The following WDSUB1 variants were observed in gnomAD, a reference collection of about 807,000 sequenced individuals.
WDSUB1 encodes the protein WD repeat, sterile alpha motif and U-box domain containing 1.
In WDSUB1, 49 loss-of-function variants were observed where a neutral mutation model predicts 53.9. The observed-to-expected ratio is 0.91, with a 90% CI of 0.72 to 1.15. WDSUB1 has a LOEUF of 1.15. Ranked by LOEUF, WDSUB1 falls within the 50% of genes most tolerant of loss-of-function variation. WDSUB1 has a pLI of 0.00. For synonymous variants in WDSUB1, 194 were observed against 200.6 expected, an observed-to-expected ratio of 0.97 and a Z score of 0.28; for missense variants, 514 against 562.0, an observed-to-expected ratio of 0.91 and a Z score of 0.86.
Position 159,239,142 on chromosome 2 carries a change from C to G in WDSUB1, c.1274-2952G>C, listed in dbSNP as rs553469375. 7.8e-4 allele frequency among the ~76,000 whole-genome samples: 119 copies of G among 152,254 alleles called. 1 individual carries two copies. Among genetic ancestry groups the G allele is most frequent in the African/African-American group, 2.8e-3 (116 of 41,558 alleles). ...TCATCCTCCCAAGTAGCTGGGACTA[C>G]AGGCATACACCACAACACCTGGCTA... On this transcript the variant is annotated intron_variant, in intron 10 of 10. Transcript: ENST00000359774.
intron 9 of WDSUB1, among the ~76,000 whole-genome samples, chr2:159,255,481 A>G (rs1248104204): frequency 6.7e-6 from 1 of 149,400 alleles, no homozygotes; most frequent in East Asian, 2.0e-4. Context: ...ATAAATAAAT[A>G]AAATAAATTA....
At chr2:159,248,759 C>T (rs2060880345) in intron 9 of WDSUB1, among the ~76,000 whole-genome samples, 1 of 152,086 alleles carries the variant, frequency 6.6e-6, no homozygotes, top group African/African-American at 2.4e-5. Context: ...GCACATGGCA[C>T]CATGCCCAGT....
At chr2:159,238,063 T>C (rs2060535215) in intron 10 of WDSUB1, among the ~76,000 whole-genome samples, 1 of 152,214 alleles carries the variant, frequency 6.6e-6, no homozygotes, top group Admixed American at 6.5e-5. Context: ...CCTGGATTTT[T>C]GCCAGTCTCT....
rs200355923 is a variant in WDSUB1 at position 159,249,745 on chromosome 2, A to AAACC, written c.1133-1237_1133-1234dup. 8.8e-3 allele frequency among the ~76,000 whole-genome samples: 1,334 copies of AAACC among 152,126 alleles called. 25 individuals carry two copies. The highest frequency in any genetic ancestry group is 0.031 in the African/African-American group (1,281 of 41,496). On this transcript the variant is annotated intron_variant, in intron 9 of 10. Transcript: ENST00000359774. ...GGCTCCTCAGCTGTGACATAAACATAAACCACCACCATGAAACTTACTTAA... is the reference window on the plus strand; with the variant it reads ...GGCTCCTCAGCTGTGACATAAACATAAACCAACCACCACCATGAAACTTACTTAA...
At chr2:159,277,696 T>C (rs1482073608) in intron 3 of WDSUB1, among the ~76,000 whole-genome samples, 1 of 152,052 alleles carries the variant, frequency 6.6e-6, no homozygotes, top group East Asian at 1.9e-4. Context: ...TTACAGATAA[T>C]AACAAATACG....
Position 159,275,726 on chromosome 2 carries a change from T to C in WDSUB1, c.584-88A>G. ...CATTTCTTATACTAAGATCTATTAA[T>C]TCTACTCATTTAAACCATGTTCACA... On this transcript the variant is annotated intron_variant, in intron 3 of 10. Coordinates refer to ENST00000359774, the MANE Select transcript of WDSUB1 (RefSeq NM_001128212.3). 4 of 975,982 alleles carry C rather than the reference T, an allele frequency of 4.1e-6. No homozygotes were observed. In the South Asian group the frequency reaches 7.0e-5, roughly 17 times the overall value. 60.5% of individuals were successfully genotyped at this position (975,982 alleles called of 1,614,324 possible). A position where few individuals can be genotyped will look rare whatever the true frequency, so the allele number is the denominator to read the frequency against.
rs896745746 is a variant in WDSUB1, at chr2:159,286,694, G to A, written c.-136C>T. On this transcript the variant is annotated 5_prime_UTR_variant, in exon 1 of 11. Coordinates refer to ENST00000359774, the MANE Select transcript of WDSUB1 (RefSeq NM_001128212.3). ...CGGGCGCCGGCGGAGACCCAGAGCA[G>A]AGGGAACAGGCCCCGCCCCCGAACG... 6.6e-6 allele frequency: 1 copy of A among 152,412 alleles called. No individual in the cohort carries two copies. The highest frequency in any genetic ancestry group is 1.5e-5 in the Non-Finnish European group (1 of 68,366). 9.4% of individuals were successfully genotyped at this position (152,412 alleles called of 1,614,324 possible). A position where few individuals can be genotyped will look rare whatever the true frequency, so the allele number is the denominator to read the frequency against.
At chr2:159,249,005 T>G (rs1429831881) in intron 9 of WDSUB1, among the ~76,000 whole-genome samples, 2 of 152,242 alleles carry the variant, frequency 1.3e-5, no homozygotes, top group Non-Finnish European at 2.9e-5. Context: ...CAAATCTCTG[T>G]TGTATAGAAT....
intron 10 of WDSUB1, among the ~76,000 whole-genome samples, chr2:159,247,575 G>A (rs112267135): frequency 0.018 from 2,713 of 151,750 alleles, 43 homozygotes; most frequent in Admixed American, 0.024. Flanking sequence ...CACATCTAAC[G>A]AAATGTGTCA....
At chr2:159,261,896 ATTTTTTTTTTTTTTTTTTTTTTT>A (rs869067609) in intron 5 of WDSUB1, among the ~76,000 whole-genome samples, 12 of 22,630 alleles carry the variant, frequency 5.3e-4, no homozygotes, top group African/African-American at 3.3e-3. Context: ...ATATATATAT[ATTTTTTTTTTTTTTTTTTTTTTT>A]TTTTTTTTTT....
At position 159,257,982 on chromosome 2, in the gene WDSUB1, T is replaced by C; in HGVS notation, c.808A>G (p.Thr270Ala). 6.2e-7 allele frequency: 1 copy of C among 1,612,428 alleles called. No homozygotes were observed. Among genetic ancestry groups the C allele is most frequent in the Non-Finnish European group, 8.5e-7 (1 of 1,179,604 alleles). ...GTCAATGTGTGAAGTATATTCTCAG[T>C]ATTCTGAAAAACAATAAAAACAGCT... The part of the protein sequence containing the change: ...DKSVIVYDTN[T>A]ENILHTLTQH... The change falls in exon 7 of 11, where the codon ACT becomes GCT. Residue 270 changes from threonine (T) to alanine (A), a missense_variant. By Grantham distance (58) the Thr-to-Ala change is moderately conservative. Coordinates refer to ENST00000359774, the MANE Select transcript of WDSUB1 (RefSeq NM_001128212.3).
At chr2:159,275,188 A>G (rs1184339466) in intron 4 of WDSUB1, among the ~76,000 whole-genome samples, 1 of 152,218 alleles carries the variant, frequency 6.6e-6, no homozygotes. Flanking sequence ...GGAATAGTAC[A>G]ATGGATGGGA....
intron 8 of WDSUB1, 92 bp from the exon 9 acceptor site, chr2:159,256,467 T>A: frequency 7.3e-7 from 1 of 1,370,662 alleles, no homozygotes; most frequent in Non-Finnish European, 1.0e-6. Context: ...GAAATTTCCT[T>A]AAATCTGTGT....
intron 9 of WDSUB1, among the ~76,000 whole-genome samples, chr2:159,254,541 A>G (rs568235448): frequency 1.1e-4 from 17 of 152,348 alleles, no homozygotes; most frequent in African/African-American, 3.6e-4. Context: ...AGCCTGGGCA[A>G]CAGAGGGAGA....
At chr2:159,237,542 T>G (rs967473731) in intron 10 of WDSUB1, among the ~76,000 whole-genome samples, 7 of 151,882 alleles carry the variant, frequency 4.6e-5, no homozygotes, top group African/African-American at 1.7e-4. Context: ...AAGTTACAAC[T>G]ATAAAACAAG....
intron 9 of WDSUB1, among the ~76,000 whole-genome samples, chr2:159,252,500 A>C (rs1436150693): frequency 1.3e-5 from 2 of 152,202 alleles, no homozygotes; most frequent in African/African-American, 4.8e-5. Flanking sequence ...CATGTCCAAC[A>C]AGTAAGCACT....
chr2:159,251,256 A>T (rs113373122), intron 9 of WDSUB1, among the ~76,000 whole-genome samples: 2,279 of 151,702 alleles, frequency 0.015, 26 homozygotes, highest in Non-Finnish European at 0.021. Context: ...ACAGAGTGAG[A>T]CTCTGTCTCA....
chr2:159,286,562 C>G (rs903827753), intron 1 of WDSUB1, 21 bp downstream of exon 1: 2 of 152,288 alleles, frequency 1.3e-5, no homozygotes, highest in African/African-American at 2.4e-5. Context: ...TGAGCCGGCC[C>G]GTGGGCGCGG....
chr2:159,276,223 G>A (rs996653756), intron 3 of WDSUB1, among the ~76,000 whole-genome samples: 6 of 152,036 alleles, frequency 3.9e-5, no homozygotes, highest in Admixed American at 2.0e-4. Flanking sequence ...CACCACACCC[G>A]GCTAATTTCT....
Sources: allele counts gnomAD v4.1 joint callset (sites outside exome capture counted in the v4.1 genomes callset), GRCh38; gene constraint gnomAD v4.1.1; transcripts MANE v1.5; gene names NCBI Gene and HGNC (gene_info 2026-07-23, HGNC 2026-07-21).